PTPRT: variants seen among roughly 807,000 people sequenced by gnomAD.
PTPRT encodes receptor-type tyrosine-protein phosphatase T.
In PTPRT, 56 loss-of-function variants were observed where a neutral mutation model predicts 176.8. The observed-to-expected ratio is 0.32, with a 90% CI of 0.26 to 0.40. The LOEUF (loss-of-function observed/expected upper bound fraction) is 0.40. Ranked by LOEUF, PTPRT falls within the 10% of genes least tolerant of loss-of-function variation. PTPRT has a pLI of 1.00. For synonymous variants in PTPRT, 783 were observed against 739.0 expected (o/e 1.06, Z -0.96); for missense variants, 1,540 against 1,908.2 (o/e 0.81, Z 3.60).
At chr20:43,114,492 T>C (rs560430036) in intron 1 of PTPRT, among the ~76,000 whole-genome samples, 2 of 152,348 alleles carry the variant, frequency 1.3e-5, no homozygotes, top group East Asian at 1.9e-4. Context: ...GTCCCTGGAA[T>C]AATGCAGCAC....
chr20:42,954,090 C>T (rs897436904), intron 1 of PTPRT, among the ~76,000 whole-genome samples: 11 of 152,068 alleles, frequency 7.2e-5, no homozygotes, highest in African/African-American at 2.4e-4. Context: ...GTATAGTCAC[C>T]TGAGCTGAGG....
intron 1 of PTPRT, chr20:42,971,050 A>G (rs953667186): frequency 6.6e-6 from 1 of 152,206 alleles, no homozygotes; most frequent in Non-Finnish European, 1.5e-5. Flanking sequence ...CACAATTTTT[A>G]TTTGCATTTC....
At chr20:42,843,037 A>C (rs1158067007) in intron 2 of PTPRT, among the ~76,000 whole-genome samples, 1 of 152,210 alleles carries the variant, frequency 6.6e-6, no homozygotes, top group Non-Finnish European at 1.5e-5. Context: ...AGTCAGGCCT[A>C]GTATGACCTT....
Position 43,088,571 on chromosome 20 carries a change from T to C in PTPRT, c.88+101075A>G, listed in dbSNP as rs148116233. On this transcript the variant is annotated intron_variant, in intron 1 of 30. Coordinates refer to ENST00000373187, the MANE Select transcript of PTPRT (RefSeq NM_007050.6). ...ACTCTGGGTTGAGATGGTTCTGAAATCAAATTCCCACTTTTGGCCCTTTAA... is the reference window on the plus strand; with the variant it reads ...ACTCTGGGTTGAGATGGTTCTGAAACCAAATTCCCACTTTTGGCCCTTTAA... 3.1e-3 allele frequency among the ~76,000 whole-genome samples: 473 copies of C among 152,176 alleles called. 2 individuals carry two copies. The highest frequency in any genetic ancestry group is 0.011 in the African/African-American group (436 of 41,506).
chr20:43,151,689 C>A (rs557541136), intron 1 of PTPRT, among the ~76,000 whole-genome samples: 1 of 152,048 alleles, frequency 6.6e-6, no homozygotes, highest in Non-Finnish European at 1.5e-5. Context: ...TGGAGAAACC[C>A]CGTCTCTACT....
At position 42,081,934 on chromosome 20, in the gene PTPRT, A is replaced by T; in HGVS notation, c.4220T>A (p.Phe1407Tyr). ...MIQQQNIIDV[F>Y]HIVKTLRNNK... ...GTTACGCAGTGTTTTCACGATGTGGAACACGTCAATGATGTTTTGCTGCTG... is the reference window on the plus strand; with the variant it reads ...GTTACGCAGTGTTTTCACGATGTGGTACACGTCAATGATGTTTTGCTGCTG... The change falls in exon 30 of 31, where the codon TTC becomes TAC. Residue 1407 changes from phenylalanine (F) to tyrosine (Y), a missense_variant. Physicochemically the swap from Phe to Tyr is conservative, Grantham distance 22. Transcript: ENST00000373187. 6.2e-7 allele frequency: 1 copy of T among 1,614,242 alleles called. No homozygotes were observed. The highest frequency in any genetic ancestry group is 8.5e-7 in the Non-Finnish European group (1 of 1,180,042).
At chr20:42,311,237 A>C (rs2057623349) in intron 12 of PTPRT, among the ~76,000 whole-genome samples, 1 of 152,156 alleles carries the variant, frequency 6.6e-6, no homozygotes, top group Non-Finnish European at 1.5e-5. Flanking sequence ...TTTTTGACAT[A>C]TTGCATGTGC....
intron 4 of PTPRT, among the ~76,000 whole-genome samples, chr20:42,776,732 T>C (rs1313757993): frequency 6.7e-6 from 1 of 148,824 alleles, no homozygotes; most frequent in Non-Finnish European, 1.5e-5. Flanking sequence ...CATATAATTA[T>C]ATATGATATG....
chr20:42,693,303 T>C (rs2075820313), intron 6 of PTPRT, among the ~76,000 whole-genome samples: 1 of 152,198 alleles, frequency 6.6e-6, no homozygotes, highest in African/African-American at 2.4e-5. Context: ...TGTTGAAGTA[T>C]AAGCTATCCT....
At chr20:42,245,671 T>A (rs931036631) in intron 14 of PTPRT, among the ~76,000 whole-genome samples, 1 of 152,096 alleles carries the variant, frequency 6.6e-6, no homozygotes, top group Non-Finnish European at 1.5e-5. Flanking sequence ...TTCTGTGTCA[T>A]AAAAGGAAAC....
chr20:42,861,666 A>G (rs2078663757), intron 2 of PTPRT, among the ~76,000 whole-genome samples: 1 of 152,218 alleles, frequency 6.6e-6, no homozygotes, highest in South Asian at 2.1e-4. Flanking sequence ...GATAAGGACT[A>G]GAAAGAGTGT....
chr20:42,394,620 T>G (rs1361880495), intron 9 of PTPRT, among the ~76,000 whole-genome samples: 1 of 152,222 alleles, frequency 6.6e-6, no homozygotes, highest in African/African-American at 2.4e-5. Context: ...GGATACCTTG[T>G]TATATGATGT....
intron 18 of PTPRT, among the ~76,000 whole-genome samples, chr20:42,136,256 T>TC (rs1450293116): frequency 2.0e-5 from 3 of 147,120 alleles, no homozygotes. Context: ...TTTTTTTTTT[T>TC]TCAGAGAAAA....
intron 2 of PTPRT, among the ~76,000 whole-genome samples, chr20:42,839,644 G>C (rs1239931198): frequency 6.6e-6 from 1 of 152,140 alleles, no homozygotes; most frequent in Non-Finnish European, 1.5e-5. Flanking sequence ...AAGCTGAGAA[G>C]AGTGAAGAGA....
chr20:42,590,043 T>C (rs1326457119), intron 7 of PTPRT, among the ~76,000 whole-genome samples: 1 of 152,128 alleles, frequency 6.6e-6, no homozygotes, highest in East Asian at 1.9e-4. Context: ...ATGTGACTTC[T>C]GAAGCTAAAC....
chr20:42,487,537 T>G (rs939520616), intron 7 of PTPRT, among the ~76,000 whole-genome samples: 1 of 152,072 alleles, frequency 6.6e-6, no homozygotes, highest in Admixed American at 6.5e-5. Flanking sequence ...GATCCTGGAT[T>G]ATCCGGGTGG....
At chr20:42,469,303 A>G (rs2071153795) in intron 8 of PTPRT, among the ~76,000 whole-genome samples, 1 of 152,040 alleles carries the variant, frequency 6.6e-6, no homozygotes, top group Admixed American at 6.5e-5. Context: ...TCCCAGGTTC[A>G]AGCGATTCTC....
intron 1 of PTPRT, among the ~76,000 whole-genome samples, chr20:42,943,383 G>A (rs959769567): frequency 5.3e-5 from 8 of 152,142 alleles, no homozygotes; most frequent in Non-Finnish European, 7.3e-5. Context: ...CAGAGCCTTC[G>A]GGTCAGAAGC....
chr20:42,183,593 A>C (rs1990609443), intron 16 of PTPRT, among the ~76,000 whole-genome samples: 2 of 152,198 alleles, frequency 1.3e-5, no homozygotes, highest in Non-Finnish European at 2.9e-5. Flanking sequence ...ATTATTGACT[A>C]TATTAGCCAA....
Sources: allele counts gnomAD v4.1 joint callset (sites outside exome capture counted in the v4.1 genomes callset), GRCh38; gene constraint gnomAD v4.1.1; transcripts MANE v1.5; gene names NCBI Gene and HGNC (gene_info 2026-07-23, HGNC 2026-07-21).